Variants in FLYWCH1 observed in about 807,000 individuals in gnomAD.
The protein encoded by FLYWCH1 is FLYWCH-type zinc finger-containing protein 1.
A neutral mutation model predicts 66.4 loss-of-function variants in FLYWCH1; 75 were observed. The observed-to-expected ratio is 1.13, with a 90% confidence interval of 0.94 to 1.37. The LOEUF (loss-of-function observed/expected upper bound fraction) is 1.37, where lower values mean the gene tolerates loss of function less well. Ranked by LOEUF, FLYWCH1 falls within the 40% of genes most tolerant of loss-of-function variation. The pLI is 0.00. For synonymous variants in FLYWCH1, 595 were observed against 429.9 expected (o/e 1.38, Z -4.75); for missense variants, 1,334 against 1,001.8 (o/e 1.33, Z -4.48).
intron 9 of FLYWCH1, among the ~76,000 whole-genome samples, chr16:2,946,335 T>TTA (rs2071485748): frequency 6.8e-6 from 1 of 147,048 alleles, no homozygotes; most frequent in Non-Finnish European, 1.5e-5. Flanking sequence ...TTTTTTTTTT[T>TTA]TTTTGAGATG....
intron 2 of FLYWCH1, among the ~76,000 whole-genome samples, chr16:2,919,649 C>T (rs999572007): frequency 1.3e-5 from 2 of 152,176 alleles, no homozygotes; most frequent in African/African-American, 4.8e-5. Context: ...CCTGCCACAA[C>T]CTCCCAAGTG....
At position 2,929,885 on chromosome 16, in the gene FLYWCH1, C is replaced by T. The variant is rs375491935; in HGVS notation, c.200C>T (p.Ser67Phe). 5 of 1,613,752 alleles carry T rather than the reference C, an allele frequency of 3.1e-6. No individual in the cohort carries two copies. Among genetic ancestry groups the T allele is most frequent in the African/African-American group, 1.3e-5 (1 of 74,922 alleles). Residue 67 changes from serine to phenylalanine, a missense_variant, in exon 3 of 10, where the codon TCC becomes TTC. By Grantham distance (155) the Ser-to-Phe change is radical. Transcript: ENST00000253928. ...SKPQEVHCVLSLEMAGPATLA... is the reference protein window; with the variant it reads ...SKPQEVHCVLFLEMAGPATLA... ...CCCCAGGAAGTGCACTGCGTCCTGT[C>T]CCTGGAGATGGCTGGCCCCGCCACC...
intron 6 of FLYWCH1, among the ~76,000 whole-genome samples, chr16:2,934,388 C>T (rs541941349): frequency 1.2e-4 from 18 of 152,304 alleles, no homozygotes; most frequent in African/African-American, 4.1e-4. Context: ...TACATGCAGC[C>T]GGTTTCTCCT....
At position 2,947,167 on chromosome 16, in the gene FLYWCH1, G is replaced by A. The variant is rs116672904; in HGVS notation, c.2112-1521G>A. Among the ~76,000 whole-genome samples, 693 of 152,282 alleles carry A rather than the reference G, an allele frequency of 4.6e-3. 5 individuals are homozygous for A. Among genetic ancestry groups the A allele is most frequent in the African/African-American group, 0.016 (652 of 41,552 alleles). Reference sequence around the variant, plus strand: ...CCATAAAAAGGAACGAAGTACTGACGCATGCTACAATGAGGATGCACCTTG... The same window carrying A: ...CCATAAAAAGGAACGAAGTACTGACACATGCTACAATGAGGATGCACCTTG... On this transcript the variant is annotated intron_variant, in intron 9 of 9. Coordinates refer to ENST00000253928, the MANE Select transcript of FLYWCH1 (RefSeq NM_001308068.2).
At position 2,938,242 on chromosome 16, in the gene FLYWCH1, C is replaced by T. The variant is rs376763122; in HGVS notation, c.1836C>T (p.His612=). The change falls in exon 8 of 10, where the codon CAC becomes CAT. Residue 612 remains histidine, a synonymous_variant. Transcript: ENST00000253928. ...CCCTGGGGGGCAGGTTCCTGGTGCACGAGTCCTTCCTCTACAGGAAGGAGA... is the reference window on the plus strand; with the variant it reads ...CCCTGGGGGGCAGGTTCCTGGTGCATGAGTCCTTCCTCTACAGGAAGGAGA... The part of the protein sequence containing the change: ...RTSLGGRFLV[H]ESFLYRKEKA... 9.9e-5 allele frequency: 160 copies of T among 1,613,106 alleles called. No homozygotes were observed. The highest frequency in any genetic ancestry group is 1.6e-4 in the Middle Eastern group (1 of 6,078).
chr16:2,944,139 C>G (rs2071383741), intron 9 of FLYWCH1, among the ~76,000 whole-genome samples: 1 of 151,650 alleles, frequency 6.6e-6, no homozygotes, highest in African/African-American at 2.4e-5. Context: ...GTCATCCCAG[C>G]ACTCTGGGAG....
chr16:2,930,095 A>C, intron 3 of FLYWCH1, 85 bp downstream of exon 3: 4 of 1,213,166 alleles, frequency 3.3e-6, no homozygotes, highest in Non-Finnish European at 4.7e-6. Context: ...CTTCAAGCAT[A>C]GTGTCTTGTC....
In FLYWCH1 at chr16:2,938,329, C is replaced by T; in HGVS notation, c.1923C>T (p.Ser641=). 6.2e-7 allele frequency: 1 copy of T among 1,607,600 alleles called. No individual in the cohort carries two copies. The highest frequency in any genetic ancestry group is 8.5e-7 in the Non-Finnish European group (1 of 1,176,944). Residue 641 remains serine, a synonymous_variant, in exon 8 of 10, where the codon AGC becomes AGT. Coordinates refer to ENST00000253928, the MANE Select transcript of FLYWCH1 (RefSeq NM_001308068.2). ...CRDQARLGCR[S]RAITQGHRIM... ...ACCAGGCTCGGCTGGGCTGCCGCAG[C>T]CGCGCCATAACCCAGGGCCACCGCA... is the stretch of plus-strand genomic sequence containing the variant.
At chr16:2,917,146 ACT>A (rs1476821353) in intron 2 of FLYWCH1, among the ~76,000 whole-genome samples, 14 of 142,040 alleles carry the variant, frequency 9.9e-5, no homozygotes, top group Non-Finnish European at 1.6e-5. Flanking sequence ...AAAGAGCGAA[ACT>A]CTGTCTCAAA....
At chr16:2,940,620 G>C (rs1050921144) in intron 9 of FLYWCH1, among the ~76,000 whole-genome samples, 6 of 152,140 alleles carry the variant, frequency 3.9e-5, no homozygotes, top group African/African-American at 7.2e-5. Flanking sequence ...ATTTGCAGTA[G>C]AGATAGGGTT....
intron 2 of FLYWCH1, among the ~76,000 whole-genome samples, chr16:2,916,014 T>G (rs2070155743): frequency 6.6e-6 from 1 of 152,126 alleles, no homozygotes; most frequent in Non-Finnish European, 1.5e-5. Context: ...TGAGTTTGCC[T>G]GCCTGGAAGT....
intron 7 of FLYWCH1, among the ~76,000 whole-genome samples, chr16:2,937,840 G>C (rs1435821647): frequency 1.5e-5 from 2 of 136,016 alleles, no homozygotes; most frequent in Admixed American, 1.5e-4. Flanking sequence ...GGTGGACAGG[G>C]AGCCAGGAGG....
At chr16:2,914,816 C>G (rs1250539699) in intron 2 of FLYWCH1, among the ~76,000 whole-genome samples, 1 of 150,454 alleles carries the variant, frequency 6.6e-6, no homozygotes, top group Admixed American at 6.7e-5. Context: ...AGCAGAATCG[C>G]TTGAACCTGG....
chr16:2,943,761 C>T (rs976997382), intron 9 of FLYWCH1, among the ~76,000 whole-genome samples: 3 of 151,922 alleles, frequency 2.0e-5, no homozygotes, highest in East Asian at 3.9e-4. Flanking sequence ...CATAGTGAAA[C>T]TCTGTCTCTA....
chr16:2,943,654 G>A (rs2071361751), intron 9 of FLYWCH1: 1 of 152,156 alleles, frequency 6.6e-6, no homozygotes, highest in Admixed American at 6.6e-5. Flanking sequence ...CCCACAAGCA[G>A]GCCAGGCGCG....
Position 2,937,483 on chromosome 16 carries a change from A to G in FLYWCH1, c.1777+99A>G, listed in dbSNP as rs938557742. On this transcript the variant is annotated intron_variant, in intron 7 of 9. Transcript: ENST00000253928. Reference sequence around the variant, plus strand: ...GCCCGTGGGGTGTTGTGTGTTGTGCATGGTGGTCTGACAGCCGGGGCCATA... The same window carrying G: ...GCCCGTGGGGTGTTGTGTGTTGTGCGTGGTGGTCTGACAGCCGGGGCCATA... 23 of 1,349,848 alleles carry G rather than the reference A, an allele frequency of 1.7e-5. No individual in the cohort carries two copies. In the East Asian group the frequency reaches 4.8e-4, roughly 28 times the overall value. 83.6% of individuals were successfully genotyped at this position (1,349,848 alleles called of 1,614,324 possible). A position where few individuals can be genotyped will look rare whatever the true frequency, so the allele number is the denominator to read the frequency against.
intron 9 of FLYWCH1, among the ~76,000 whole-genome samples, chr16:2,941,638 T>G (rs1001438376): frequency 6.9e-6 from 1 of 145,526 alleles, no homozygotes; most frequent in African/African-American, 2.5e-5. Flanking sequence ...GCATTTTGGG[T>G]GGCTAGGGTG....
Position 2,948,973 on chromosome 16 carries a change from C to T in FLYWCH1, c.*246C>T, listed in dbSNP as rs771572050. 1.7e-4 allele frequency: 87 copies of T among 524,450 alleles called. No homozygotes were observed. Among genetic ancestry groups the T allele is most frequent in the African/African-American group, 5.8e-4 (30 of 52,018 alleles). The allele number at this position is 524,450 out of a possible 1,614,324, so 32.5% of individuals were successfully genotyped here. The stretch of plus-strand genomic sequence containing the variant: ...CAGCTGTCGTGGGGCAGGGCGGTGG[C>T]GCCTTCCTGACCTTTGGAAGACATG... On this transcript the variant is annotated 3_prime_UTR_variant, in exon 10 of 10. Transcript: ENST00000253928.
Position 2,949,672 on chromosome 16 carries a change from G to T in FLYWCH1, c.*945G>T, listed in dbSNP as rs746659316. On this transcript the variant is annotated 3_prime_UTR_variant, in exon 10 of 10. Coordinates refer to ENST00000253928, the MANE Select transcript of FLYWCH1 (RefSeq NM_001308068.2). ...TCCTTCACTCCCACCCTGTAATTGT[G>T]GGGGGAGTGCCAGCAACAGGCCTGT... The T allele has an allele frequency of 1.3e-5, 2 of 152,048 alleles. No homozygotes were observed. The highest frequency in any genetic ancestry group is 2.9e-5 in the Non-Finnish European group (2 of 68,006). The allele number at this position is 152,048 out of a possible 1,614,324, so 9.4% of individuals were successfully genotyped here.
Sources: gnomAD v4.1 joint callset for allele counts (sites outside exome capture counted in the v4.1 genomes callset) on GRCh38, gnomAD v4.1.1 for gene constraint, MANE v1.5 for transcripts, NCBI Gene and HGNC (gene_info 2026-07-23, HGNC 2026-07-21) for gene names.